The following MSRA variants were observed in gnomAD, a reference collection of about 807,000 sequenced individuals.
The protein encoded by MSRA is mitochondrial peptide methionine sulfoxide reductase.
A neutral mutation model predicts 31.3 loss-of-function variants in MSRA; 54 were observed. The ratio of observed to expected loss-of-function variants is 1.73; its 90% CI spans 1.39 to 2.17. MSRA has a LOEUF of 2.17. Among genes scored for constraint, MSRA ranks in the 30% most tolerant of loss-of-function variants. The pLI, the probability that MSRA is intolerant of heterozygous loss-of-function variation, is 0.00. For missense variants in MSRA, 507 were observed against 300.9 expected, an observed-to-expected ratio of 1.69 and a Z score of -5.07; for synonymous variants, 169 against 116.5, an observed-to-expected ratio of 1.45 and a Z score of -2.90.
In MSRA at chr8:10,161,896, A is replaced by C. The variant is rs369594258; in HGVS notation, c.143-45937A>C. ...CCCCGCCTCTGACACTTTGTCTTTAAAATGGGAATACACCACTTGTTTTGC... is the reference window on the plus strand; with the variant it reads ...CCCCGCCTCTGACACTTTGTCTTTACAATGGGAATACACCACTTGTTTTGC... On this transcript the variant is annotated intron_variant, in intron 1 of 5. Transcript: ENST00000317173. 6.6e-5 allele frequency among the ~76,000 whole-genome samples: 10 copies of C among 152,124 alleles called. No individual in the cohort carries two copies. In the East Asian group the frequency reaches 1.4e-3, roughly 21 times the overall value.
intron 5 of MSRA, among the ~76,000 whole-genome samples, chr8:10,335,859 C>T (rs558112619): frequency 1.3e-5 from 2 of 152,334 alleles, no homozygotes; most frequent in South Asian, 4.1e-4. Flanking sequence ...GCCTGGGAGG[C>T]TGTCACTCTA....
chr8:10,409,165 GC>G (rs1189296909), intron 5 of MSRA, among the ~76,000 whole-genome samples: 9 of 152,172 alleles, frequency 5.9e-5, no homozygotes, highest in Non-Finnish European at 1.3e-4. Context: ...TAGAGGTTGT[GC>G]TCATTTACAT....
chr8:10,255,478 C>T (rs1276330131), intron 3 of MSRA, among the ~76,000 whole-genome samples: 2 of 152,196 alleles, frequency 1.3e-5, no homozygotes, highest in African/African-American at 2.4e-5. Flanking sequence ...TAATGTAAAG[C>T]TGTCCCTTCC....
At chr8:10,252,798 G>C (rs1797986237) in intron 3 of MSRA, among the ~76,000 whole-genome samples, 1 of 152,208 alleles carries the variant, frequency 6.6e-6, no homozygotes, top group Non-Finnish European at 1.5e-5. Flanking sequence ...ATTGCAATAA[G>C]TAAAACATGC....
chr8:10,236,944 C>T (rs1220260188), intron 2 of MSRA, among the ~76,000 whole-genome samples: 1 of 152,188 alleles, frequency 6.6e-6, no homozygotes. Context: ...TTATTGTTTT[C>T]ATAGTAGTAA....
At chr8:10,402,372 A>C (rs1243869293) in intron 5 of MSRA, among the ~76,000 whole-genome samples, 1 of 152,204 alleles carries the variant, frequency 6.6e-6, no homozygotes, top group Admixed American at 6.5e-5. Context: ...CTGAACGCCA[A>C]ATGTGGTTCT....
At chr8:10,341,441 C>T (rs1803421033) in intron 5 of MSRA, among the ~76,000 whole-genome samples, 1 of 152,200 alleles carries the variant, frequency 6.6e-6, no homozygotes, top group Non-Finnish European at 1.5e-5. Context: ...TGGTCCAAGC[C>T]ATTCATGAAG....
intron 2 of MSRA, among the ~76,000 whole-genome samples, chr8:10,241,947 G>A (rs1179880324): frequency 6.6e-6 from 1 of 152,154 alleles, no homozygotes; most frequent in Non-Finnish European, 1.5e-5. Context: ...AAGGTCAAAG[G>A]AAAAGAATGG....
At chr8:10,111,568 A>G (rs1250645556) in intron 1 of MSRA, among the ~76,000 whole-genome samples, 1 of 152,166 alleles carries the variant, frequency 6.6e-6, no homozygotes, top group East Asian at 1.9e-4. Context: ...ACTTTTTCTT[A>G]TATAGCGTTA....
chr8:10,105,102 T>G (rs1799796506), intron 1 of MSRA, among the ~76,000 whole-genome samples: 1 of 152,242 alleles, frequency 6.6e-6, no homozygotes, highest in African/African-American at 2.4e-5. Context: ...TTCATATGCT[T>G]TGCACAGTAT....
At chr8:10,242,485 A>T (rs1316031963) in intron 2 of MSRA, among the ~76,000 whole-genome samples, 2 of 152,106 alleles carry the variant, frequency 1.3e-5, no homozygotes, top group African/African-American at 4.8e-5. Context: ...CAAACTTCTG[A>T]TTCTTGACCC....
chr8:10,083,665 G>A (rs13261836), intron 1 of MSRA, among the ~76,000 whole-genome samples: 80,883 of 151,902 alleles, frequency 0.53, 23,546 homozygotes, highest in Middle Eastern at 0.66. Flanking sequence ...CTATGCAGAG[G>A]AAATTTTATT....
At chr8:10,220,023 C>G (rs1810357949) in intron 2 of MSRA, among the ~76,000 whole-genome samples, 1 of 151,922 alleles carries the variant, frequency 6.6e-6, no homozygotes, top group Non-Finnish European at 1.5e-5. Context: ...TGTGGAGAAA[C>G]AGACGTTTAG....
chr8:10,282,827 C>A (rs7845839), intron 3 of MSRA, among the ~76,000 whole-genome samples: 5 of 152,218 alleles, frequency 3.3e-5, no homozygotes, highest in East Asian at 3.9e-4. Context: ...ATTCAGAATT[C>A]TCCATCAAAA....
In MSRA at chr8:10,111,167, T is replaced by G. The variant is rs536004579; in HGVS notation, c.142+56509T>G. On this transcript the variant is annotated intron_variant, in intron 1 of 5. Transcript: ENST00000317173. The stretch of plus-strand genomic sequence containing the variant: ...TGGATCAACTTTGATCATTTGGACC[T>G]GGCTTTGGTCATTTCTTGGTACCCA... Among the ~76,000 whole-genome samples the G allele has an allele frequency of 4.6e-5, 7 of 152,332 alleles. No homozygotes were observed. The South Asian group carries it at 1.4e-3, about 32-fold the overall frequency.
chr8:10,398,157 C>A (rs927771890), intron 5 of MSRA, among the ~76,000 whole-genome samples: 1 of 152,240 alleles, frequency 6.6e-6, no homozygotes, highest in Non-Finnish European at 1.5e-5. Context: ...CAAGGACTCT[C>A]TAGTAGCCTT....
intron 5 of MSRA, among the ~76,000 whole-genome samples, chr8:10,387,018 A>G (rs887220615): frequency 2.0e-5 from 3 of 152,208 alleles, no homozygotes; most frequent in Non-Finnish European, 4.4e-5. Context: ...GTTAAAGTAC[A>G]GATTCCAACT....
chr8:10,192,510 T>C (rs1205911302), intron 1 of MSRA, among the ~76,000 whole-genome samples: 1 of 152,224 alleles, frequency 6.6e-6, no homozygotes, highest in African/African-American at 2.4e-5. Flanking sequence ...AAAGTGTACC[T>C]TGCAATTGAA....
chr8:10,118,585 G>C (rs540126195), intron 1 of MSRA, among the ~76,000 whole-genome samples: 1 of 151,998 alleles, frequency 6.6e-6, no homozygotes, highest in Non-Finnish European at 1.5e-5. Context: ...AGCCATCTGG[G>C]TGTCCTCATC....
Sources: gnomAD v4.1 joint callset for allele counts (sites outside exome capture counted in the v4.1 genomes callset) on GRCh38, gnomAD v4.1.1 for gene constraint, MANE v1.5 for transcripts, NCBI Gene and HGNC (gene_info 2026-07-23, HGNC 2026-07-21) for gene names.